IMMP2L: variants seen among roughly 807,000 people sequenced by gnomAD.
IMMP2L encodes inner mitochondrial membrane peptidase subunit 2.
A neutral mutation model predicts 19.3 loss-of-function variants in IMMP2L; 18 were observed. The observed-to-expected ratio is 0.93, with a 90% CI of 0.64 to 1.38. The LOEUF (loss-of-function observed/expected upper bound fraction) is 1.38. Ranked by LOEUF, IMMP2L falls within the 40% of genes most tolerant of loss-of-function variation. The pLI is 0.00. For synonymous variants in IMMP2L, 76 were observed against 73.0 expected (o/e 1.04, Z -0.21); for missense variants, 233 against 218.2 (o/e 1.07, Z -0.43).
intron 4 of IMMP2L, among the ~76,000 whole-genome samples, chr7:110,919,072 T>G (rs1244921634): frequency 6.6e-6 from 1 of 152,144 alleles, no homozygotes; most frequent in Non-Finnish European, 1.5e-5. Context: ...GCATACTAAA[T>G]GTACCAACCA....
chr7:111,066,161 A>G (rs1356138054), intron 3 of IMMP2L, among the ~76,000 whole-genome samples: 4 of 151,602 alleles, frequency 2.6e-5, no homozygotes, highest in Admixed American at 6.6e-5. Flanking sequence ...GTATTTTTTA[A>G]AAGTAGAGAT....
At chr7:111,281,186 G>GAAAGAAAGAAAGAAAGAA (rs1819750574) in intron 3 of IMMP2L, among the ~76,000 whole-genome samples, 1 of 71,404 alleles carries the variant, frequency 1.4e-5, no homozygotes. Flanking sequence ...AAGAAAGAAA[G>GAAAGAAAGAAAGAAAGAA]AAAGAAAGAA....
chr7:110,882,745 G>GTT (rs545748346), intron 5 of IMMP2L, among the ~76,000 whole-genome samples: 1 of 148,608 alleles, frequency 6.7e-6, no homozygotes, highest in Non-Finnish European at 1.5e-5. Flanking sequence ...AGAATCTACT[G>GTT]TTTTTTTTTG....
chr7:111,334,894 T>A (rs867649891), intron 3 of IMMP2L, among the ~76,000 whole-genome samples: 1 of 152,118 alleles, frequency 6.6e-6, no homozygotes, highest in African/African-American at 2.4e-5. Flanking sequence ...TTCGGGGTAA[T>A]ATCAGTCAGG....
At chr7:111,496,114 A>G (rs949275068) in intron 2 of IMMP2L, among the ~76,000 whole-genome samples, 7 of 152,184 alleles carry the variant, frequency 4.6e-5, no homozygotes, top group Admixed American at 2.0e-4. Context: ...AGTTAAAGTA[A>G]ATGTACATTC....
At chr7:111,370,195 C>G (rs974050538) in intron 3 of IMMP2L, among the ~76,000 whole-genome samples, 1 of 151,988 alleles carries the variant, frequency 6.6e-6, no homozygotes, top group African/African-American at 2.4e-5. Context: ...CCTAGTTCTG[C>G]TGCTCTTAAA....
chr7:110,741,271 A>T (rs1796972980), intron 5 of IMMP2L, among the ~76,000 whole-genome samples: 1 of 152,184 alleles, frequency 6.6e-6, no homozygotes, highest in African/African-American at 2.4e-5. Flanking sequence ...TATGGACACG[A>T]CCTGTTCCCC....
At chr7:111,497,693 T>C (rs1269587587) in intron 2 of IMMP2L, among the ~76,000 whole-genome samples, 1 of 151,994 alleles carries the variant, frequency 6.6e-6, no homozygotes, top group Non-Finnish European at 1.5e-5. Flanking sequence ...AAATGCAAAC[T>C]TCAAAGTCAG....
At chr7:111,240,854 C>G (rs1023747842) in intron 3 of IMMP2L, among the ~76,000 whole-genome samples, 5 of 151,888 alleles carry the variant, frequency 3.3e-5, no homozygotes, top group African/African-American at 1.2e-4. Context: ...TTAAGTCACA[C>G]TTAATGTGAT....
intron 3 of IMMP2L, among the ~76,000 whole-genome samples, chr7:111,190,464 G>A (rs1235179265): frequency 6.6e-6 from 1 of 151,964 alleles, no homozygotes; most frequent in African/African-American, 2.4e-5. Context: ...TAAAATATAT[G>A]TATATATAAA....
In IMMP2L at chr7:111,287,012, A is replaced by C. The variant is rs141623847; in HGVS notation, c.239+200226T>G. Among the ~76,000 whole-genome samples the C allele has an allele frequency of 6.6e-5, 10 of 152,318 alleles. No individual in the cohort carries two copies. The East Asian group carries it at 1.5e-3, about 23-fold the overall frequency. ...CTGCAAAATGTGCTCTCCCTAGAGA[A>C]GTGAGATGACTTGCTCCATGGGGTT... On this transcript the variant is annotated intron_variant, in intron 3 of 5. Transcript: ENST00000405709.
intron 3 of IMMP2L, among the ~76,000 whole-genome samples, chr7:111,458,232 G>T (rs2131980903): frequency 6.6e-6 from 1 of 152,086 alleles, no homozygotes; most frequent in African/African-American, 2.4e-5. Flanking sequence ...ATACAATTTA[G>T]CTGGGCGTGA....
At chr7:111,063,251 C>T (rs1297974091) in intron 3 of IMMP2L, among the ~76,000 whole-genome samples, 1 of 152,178 alleles carries the variant, frequency 6.6e-6, no homozygotes, top group Admixed American at 6.5e-5. Flanking sequence ...GGTGCTTGTG[C>T]CCTCTAAAGC....
chr7:111,475,099 CCATA>C (rs1841604908), intron 3 of IMMP2L, among the ~76,000 whole-genome samples: 1 of 152,066 alleles, frequency 6.6e-6, no homozygotes, highest in African/African-American at 2.4e-5. Context: ...GTTCCAACAT[CCATA>C]CAATTTTTAA....
At chr7:111,060,188 C>G (rs1395973213) in intron 3 of IMMP2L, among the ~76,000 whole-genome samples, 6 of 152,158 alleles carry the variant, frequency 3.9e-5, no homozygotes, top group African/African-American at 1.4e-4. Flanking sequence ...CCTTTTTACC[C>G]AAGCCTATTA....
chr7:111,334,183 A>T (rs533810430), intron 3 of IMMP2L, among the ~76,000 whole-genome samples: 47 of 150,572 alleles, frequency 3.1e-4, no homozygotes, highest in Non-Finnish European at 5.9e-4. Context: ...AATACATATT[A>T]TATATATATA....
chr7:110,947,447 G>A (rs564285640), intron 4 of IMMP2L, among the ~76,000 whole-genome samples: 2 of 152,208 alleles, frequency 1.3e-5, no homozygotes, highest in African/African-American at 4.8e-5. Context: ...TTAGAATTCA[G>A]GCTTCATTTA....
intron 4 of IMMP2L, among the ~76,000 whole-genome samples, chr7:110,961,812 A>AAAGAATCC (rs1818976959): frequency 6.6e-6 from 1 of 151,968 alleles, no homozygotes; most frequent in Non-Finnish European, 1.5e-5. Flanking sequence ...CACAGACATC[A>AAAGAATCC]AAGACTATAT....
At chr7:111,249,653 G>T (rs1256972967) in intron 3 of IMMP2L, among the ~76,000 whole-genome samples, 1 of 151,924 alleles carries the variant, frequency 6.6e-6, no homozygotes, top group Non-Finnish European at 1.5e-5. Flanking sequence ...AGAACTAAAG[G>T]CAAAAAACAC....
Sources: gnomAD v4.1 joint callset for allele counts (sites outside exome capture counted in the v4.1 genomes callset) on GRCh38, gnomAD v4.1.1 for gene constraint, MANE v1.5 for transcripts, NCBI Gene and HGNC (gene_info 2026-07-23, HGNC 2026-07-21) for gene names.